Variants in MTA1 observed in about 807,000 individuals in gnomAD.
MTA1 encodes metastasis-associated protein MTA1.
Under a neutral mutation model 97.0 loss-of-function variants are expected in MTA1, and 15 were observed. The observed-to-expected ratio is 0.15, with a 90% confidence interval of 0.10 to 0.24. MTA1 has a LOEUF of 0.24. Among genes scored for constraint, MTA1 ranks in the 10% least tolerant of loss-of-function variants. MTA1 has a pLI of 1.00. For missense variants in MTA1, 709 were observed against 1,015.1 expected (o/e 0.70, Z 4.10); for synonymous variants, 435 against 417.5 (o/e 1.04, Z -0.51).
chr14:105,458,357 TC>T lies in MTA1; in HGVS notation c.640del (p.Leu214TrpfsTer27). Reference sequence around the variant, plus strand: ...CTCACAGACAAGCAGATCGACCAGTTCCTGGTGGTGGCCCGGTGAGTCCTGC... The same window carrying T: ...CTCACAGACAAGCAGATCGACCAGTTCTGGTGGTGGCCCGGTGAGTCCTGC... Reference protein sequence around the residue: ...NPLTDKQIDQFLVVARSVGTF... With the variant: ...NPLTDKQIDQXLVVARSVGTF... On this transcript the variant is annotated frameshift_variant, in exon 8 of 21. Coordinates refer to ENST00000331320, the MANE Select transcript of MTA1 (RefSeq NM_004689.4). LOFTEE classifies it high-confidence loss of function. 1 of 1,612,642 alleles carries T rather than the reference TC, an allele frequency of 6.2e-7. No individual in the cohort carries two copies. The highest frequency in any genetic ancestry group is 8.5e-7 in the Non-Finnish European group (1 of 1,179,914).
At chr14:105,456,444 C>T (rs587605961) in intron 7 of MTA1, among the ~76,000 whole-genome samples, 78 of 152,266 alleles carry the variant, frequency 5.1e-4, no homozygotes, top group African/African-American at 1.8e-3. Flanking sequence ...CCGAGCCAGC[C>T]GCAGGAGCCG....
At chr14:105,454,415 G>A (rs1428739266) in intron 7 of MTA1, 105 bp downstream of exon 7, 1 of 816,360 alleles carries the variant, frequency 1.2e-6, no homozygotes, top group East Asian at 2.6e-5. Context: ...AGTGATTCAT[G>A]TGTGACTGGG....
chr14:105,437,614 T>C (rs979684253), intron 1 of MTA1, among the ~76,000 whole-genome samples: 1 of 152,230 alleles, frequency 6.6e-6, no homozygotes, highest in Non-Finnish European at 1.5e-5. Context: ...GGGTTTGGCC[T>C]CCGTGTGGAC....
intron 7 of MTA1, among the ~76,000 whole-genome samples, chr14:105,457,445 C>G (rs1362343621): frequency 2.0e-5 from 3 of 152,260 alleles, no homozygotes; most frequent in African/African-American, 7.2e-5. Context: ...ACTCCAGAGG[C>G]ACGCCCACTC....
At chr14:105,464,233 C>A in intron 13 of MTA1, 86 bp downstream of exon 13, 1 of 1,472,978 alleles carries the variant, frequency 6.8e-7, no homozygotes. Flanking sequence ...TCCAGCATGG[C>A]CCAGCCTGCA....
At position 105,420,106 on chromosome 14, in the gene MTA1, A is replaced by G. The variant is rs2081774313; in HGVS notation, c.28+43A>G. The G allele has an allele frequency of 2.7e-6, 2 of 744,378 alleles. No individual in the cohort carries two copies. The highest frequency in any genetic ancestry group is 3.2e-6 in the Non-Finnish European group (2 of 616,640). The allele number at this position is 744,378 out of a possible 1,614,324, so 46.1% of individuals were successfully genotyped here. On this transcript the variant is annotated intron_variant, in intron 1 of 20. Transcript: ENST00000331320. The surrounding 1 kb of genome is among the most constrained non-coding windows in gnomAD (Gnocchi z 5.3). ...TTATGCCCGGCCCCGACCCGCCCGC[A>G]GCCCCCACCCGCCGCCGCTGCCGCC...
chr14:105,460,208 T>C (rs1595395564), intron 8 of MTA1, 150 bp from the exon 9 acceptor site: 1 of 621,458 alleles, frequency 1.6e-6, no homozygotes, highest in East Asian at 3.0e-5. Flanking sequence ...GTGCTGCCCA[T>C]GGCCCCTGGT....
intron 8 of MTA1, among the ~76,000 whole-genome samples, chr14:105,460,119 T>G (rs113638745): frequency 7.1e-5 from 5 of 70,698 alleles, no homozygotes; most frequent in South Asian, 5.9e-4. Flanking sequence ...CCTGGGGAGC[T>G]GTGTGCCTGG....
chr14:105,466,403 T>G (rs782491993), intron 16 of MTA1, 23 bp from the exon 17 acceptor site: 2 of 1,591,820 alleles, frequency 1.3e-6, no homozygotes, highest in Admixed American at 3.4e-5. Flanking sequence ...GGCAACTCGT[T>G]CTGCCTGTGT....
chr14:105,431,687 G>C (rs1044033699), intron 1 of MTA1, among the ~76,000 whole-genome samples: 2 of 152,082 alleles, frequency 1.3e-5, no homozygotes, highest in African/African-American at 4.8e-5. Flanking sequence ...GTGCAGTGGC[G>C]CAGTCTCGGC....
intron 16 of MTA1, 79 bp from the exon 17 acceptor site, chr14:105,466,347 T>C: frequency 7.5e-7 from 1 of 1,325,404 alleles, no homozygotes; most frequent in Non-Finnish European, 1.1e-6. Flanking sequence ...CCCGGAACCA[T>C]GAGGGCTGGA....
At chr14:105,469,533 C>A in intron 19 of MTA1, 35 bp downstream of exon 19, 2 of 1,609,424 alleles carry the variant, frequency 1.2e-6, no homozygotes, top group Non-Finnish European at 1.7e-6. Flanking sequence ...GTACGGTGCG[C>A]TCACCCATGA....
At position 105,439,215 on chromosome 14, in the gene MTA1, C is replaced by T. The variant is rs10150587; in HGVS notation, c.96+476C>T. On this transcript the variant is annotated intron_variant, in intron 2 of 20. Transcript: ENST00000331320. ...CTCCCTGGTCACTCAGGCAGCCCTGCAGGGCTGTGAGCTCTGCCCCCAACC... is the reference window on the plus strand; with the variant it reads ...CTCCCTGGTCACTCAGGCAGCCCTGTAGGGCTGTGAGCTCTGCCCCCAACC... Among the ~76,000 whole-genome samples the T allele has an allele frequency of 7.6e-3, 287 of 37,600 alleles. 2 individuals are homozygous for T. The highest frequency in any genetic ancestry group is 0.029 in the African/African-American group (274 of 9,486). 24.7% of individuals were successfully genotyped at this position (37,600 alleles called of 152,430 possible).
intron 18 of MTA1, chr14:105,466,944 C>T (rs2083616777): frequency 1.6e-6 from 1 of 606,916 alleles, no homozygotes; most frequent in Non-Finnish European, 2.9e-6. Flanking sequence ...GCATCTGGCC[C>T]TCGGCCCCCT....
intron 1 of MTA1, among the ~76,000 whole-genome samples, chr14:105,428,243 A>G (rs1301607790): frequency 2.0e-5 from 3 of 152,076 alleles, no homozygotes; most frequent in Non-Finnish European, 4.4e-5. Context: ...TGCCTTGTCC[A>G]GAATGTGGTA....
rs1452228930 is a variant in MTA1, at chr14:105,463,863, A to C, written c.1077-169A>C. On this transcript the variant is annotated intron_variant, in intron 12 of 20. Transcript: ENST00000331320. This position sits in a 1 kb window ranked among gnomAD's most constrained non-coding sequence, Gnocchi z 5.9. The stretch of plus-strand genomic sequence containing the variant: ...CCTGGAGAACGGCTCAGACCTCAGC[A>C]GTGGCTCCCAGGAACTGAAAGGGGA... The C allele has an allele frequency of 2.8e-6, 2 of 711,618 alleles. No homozygotes were observed. Among genetic ancestry groups the C allele is most frequent in the Non-Finnish European group, 5.0e-6 (2 of 403,718 alleles). 44.1% of individuals were successfully genotyped at this position (711,618 alleles called of 1,614,324 possible). A position where few individuals can be genotyped will look rare whatever the true frequency, so the allele number is the denominator to read the frequency against.
In MTA1 at chr14:105,460,972, G is replaced by A. The variant is rs587765053; in HGVS notation, c.942+19G>A. On this transcript the variant is annotated intron_variant, in intron 10 of 20. Transcript: ENST00000331320. Reference sequence around the variant, plus strand: ...AGATTTTGTGAGTACCGTGGGTGGCGATGGGGGAGTGGCTGGCCATGCCCA... The same window carrying A: ...AGATTTTGTGAGTACCGTGGGTGGCAATGGGGGAGTGGCTGGCCATGCCCA... 1.3e-5 allele frequency: 20 copies of A among 1,598,646 alleles called. No homozygotes were observed. The South Asian group carries it at 1.8e-4, about 15-fold the overall frequency.
At chr14:105,421,733 G>T (rs1020698840) in intron 1 of MTA1, among the ~76,000 whole-genome samples, 17 of 152,232 alleles carry the variant, frequency 1.1e-4, no homozygotes, top group Non-Finnish European at 2.5e-4. Flanking sequence ...TGTGGCAGCT[G>T]TGCTGTGGCT....
Position 105,419,832 on chromosome 14 carries a change from C to T in MTA1, c.-204C>T, listed in dbSNP as rs1275344482. 2.0e-5 allele frequency: 3 copies of T among 150,880 alleles called. No homozygotes were observed. Among genetic ancestry groups the T allele is most frequent in the Non-Finnish European group, 4.3e-5 (3 of 69,528 alleles). The allele number at this position is 150,880 out of a possible 1,614,324, so 9.3% of individuals were successfully genotyped here. Reference sequence around the variant, plus strand: ...GCCGCCCGCGGCCGCTCCTCCTCTTCCTCTCCCGCCCGCGCCGCGGCCCTC... The same window carrying T: ...GCCGCCCGCGGCCGCTCCTCCTCTTTCTCTCCCGCCCGCGCCGCGGCCCTC... On this transcript the variant is annotated 5_prime_UTR_variant, in exon 1 of 21. Coordinates refer to ENST00000331320, the MANE Select transcript of MTA1 (RefSeq NM_004689.4).
Sources: allele counts gnomAD v4.1 joint callset (sites outside exome capture counted in the v4.1 genomes callset), GRCh38; gene constraint gnomAD v4.1.1; non-coding constraint Gnocchi (gnomAD v3.1); transcripts MANE v1.5; gene names NCBI Gene and HGNC (gene_info 2026-07-23, HGNC 2026-07-21).